The following SARS1 variants were observed in gnomAD, a reference collection of about 807,000 sequenced individuals.
The protein encoded by SARS1 is seryl-tRNA synthetase 1, also known as serine--tRNA ligase, cytoplasmic.
Under a neutral mutation model 63.7 loss-of-function variants are expected in SARS1, and 25 were observed. The observed-to-expected ratio is 0.39, with a 90% CI of 0.29 to 0.55. The LOEUF is 0.55. Ranked by LOEUF, SARS1 falls within the 20% of genes least tolerant of loss-of-function variation. The pLI is 0.62. For synonymous variants in SARS1, 231 were observed against 243.5 expected, an observed-to-expected ratio of 0.95 and a Z score of 0.48; for missense variants, 417 against 649.7, an observed-to-expected ratio of 0.64 and a Z score of 3.89.
In SARS1 at chr1:109,235,630, C is replaced by A. The variant is rs918623270; in HGVS notation, c.969+199C>A. On this transcript the variant is annotated intron_variant, in intron 7 of 10. Coordinates refer to ENST00000234677, the MANE Select transcript of SARS1 (RefSeq NM_006513.4). The surrounding 1 kb of genome is among the most constrained non-coding windows in gnomAD (Gnocchi z 4.7). ...AACCAGGCTGCGGCTTTACCACTCA[C>A]CAGCTGTGTAACATTGGGCATAATG... Among the ~76,000 whole-genome samples, 4 of 152,134 alleles carry A rather than the reference C, an allele frequency of 2.6e-5. No homozygotes were observed. Among genetic ancestry groups the A allele is most frequent in the African/African-American group, 9.7e-5 (4 of 41,428 alleles).
chr1:109,229,153 G>A (rs1453191958), intron 3 of SARS1, among the ~76,000 whole-genome samples: 1 of 152,180 alleles, frequency 6.6e-6, no homozygotes, highest in African/African-American at 2.4e-5. Flanking sequence ...TGCAATGTAT[G>A]GGAACAATAG....
In SARS1 at chr1:109,233,862, A is replaced by ATTTTTTT. The variant is rs1164453054; in HGVS notation, c.748-1329_748-1323dup. ...CAGGCGTCGCCACCACACCTGGCTA[A>ATTTTTTT]TTTTTTTTTTTTTTTTTTTTTTTTT... On this transcript the variant is annotated intron_variant, in intron 6 of 10. Transcript: ENST00000234677. 4.5e-4 allele frequency among the ~76,000 whole-genome samples: 30 copies of ATTTTTTT among 65,996 alleles called. 1 individual carries two copies. The highest frequency in any genetic ancestry group is 1.4e-3 in the South Asian group (2 of 1,416). 43.3% of individuals were successfully genotyped at this position (65,996 alleles called of 152,430 possible). A position where few individuals can be genotyped will look rare whatever the true frequency, so the allele number is the denominator to read the frequency against.
chr1:109,237,834 A>G lies in SARS1; in HGVS notation c.1491A>G (p.Ala497=), dbSNP rs778433870. Residue 497 remains alanine, a synonymous_variant, in exon 11 of 11, where the codon GCA becomes GCG. Transcript: ENST00000234677. This position sits in a 1 kb window ranked among gnomAD's most constrained non-coding sequence, Gnocchi z 4.1. ...AGGGCAGCAAAAAGAAAGCAGCAGC[A>G]AGAGACGTCACCCTAGAAAACAGGC... ...QHEGSKKKAA[A]RDVTLENRLQ... The G allele has an allele frequency of 1.2e-6, 2 of 1,614,124 alleles. No homozygotes were observed. Among genetic ancestry groups the G allele is most frequent in the Non-Finnish European group, 1.7e-6 (2 of 1,180,044 alleles).
chr1:109,231,292 C>T (rs1200594560), intron 5 of SARS1: 1 of 265,862 alleles, frequency 3.8e-6, no homozygotes, highest in Non-Finnish European at 6.8e-6. Flanking sequence ...AGAACAGTCT[C>T]TGCCTTTAAG....
chr1:109,221,995 TATA>T (rs1654945857), intron 1 of SARS1, among the ~76,000 whole-genome samples: 1 of 26,666 alleles, frequency 3.8e-5, no homozygotes, highest in Non-Finnish European at 5.7e-5. Flanking sequence ...TATATATATA[TATA>T]TATATATATA....
intron 1 of SARS1, among the ~76,000 whole-genome samples, chr1:109,219,673 T>A (rs996639744): frequency 9.2e-5 from 14 of 151,840 alleles, no homozygotes; most frequent in African/African-American, 3.4e-4. Flanking sequence ...CCACCATGCC[T>A]GGCTAATTTT....
At chr1:109,218,268 G>A (rs1181855486) in intron 1 of SARS1, among the ~76,000 whole-genome samples, 3 of 150,192 alleles carry the variant, frequency 2.0e-5, no homozygotes, top group Admixed American at 6.6e-5. Context: ...TTGGGAGGCC[G>A]AGGCAGGAGA....
intron 2 of SARS1, among the ~76,000 whole-genome samples, chr1:109,225,130 T>G (rs1454902845): frequency 6.6e-6 from 1 of 152,024 alleles, no homozygotes; most frequent in African/African-American, 2.4e-5. Context: ...ATTAATTAAT[T>G]AAATGCACTT....
At chr1:109,226,535 C>G (rs1655080552) in intron 2 of SARS1, among the ~76,000 whole-genome samples, 1 of 147,612 alleles carries the variant, frequency 6.8e-6, no homozygotes, top group Non-Finnish European at 1.5e-5. Context: ...AAAAAGTCAC[C>G]CAGGCTGGAG....
rs1436359557 is a variant in SARS1, at chr1:109,237,894, C to T, written c.*6C>T. Reference sequence around the variant, plus strand: ...TGGAGGTCACCGATGCTTGAACATTCCTGCCTCCCTATTTGCCAGGCTTTC... The same window carrying T: ...TGGAGGTCACCGATGCTTGAACATTTCTGCCTCCCTATTTGCCAGGCTTTC... On this transcript the variant is annotated 3_prime_UTR_variant, in exon 11 of 11. Coordinates refer to ENST00000234677, the MANE Select transcript of SARS1 (RefSeq NM_006513.4). This position sits in a 1 kb window ranked among gnomAD's most constrained non-coding sequence, Gnocchi z 4.1. 6.2e-7 allele frequency: 1 copy of T among 1,613,814 alleles called. No homozygotes were observed. Among genetic ancestry groups the T allele is most frequent in the East Asian group, 2.2e-5 (1 of 44,880 alleles).
intron 1 of SARS1, among the ~76,000 whole-genome samples, chr1:109,222,192 C>T (rs1206982010): frequency 6.6e-6 from 1 of 150,974 alleles, no homozygotes; most frequent in Non-Finnish European, 1.5e-5. Context: ...CCAATACCTA[C>T]CTTGGTGCCT....
intron 2 of SARS1, among the ~76,000 whole-genome samples, chr1:109,228,051 T>A (rs1189586198): frequency 6.6e-6 from 1 of 152,102 alleles, no homozygotes. Context: ...CCTATGATGA[T>A]CTATGTACAG....
At chr1:109,229,264 C>A in intron 3 of SARS1, 150 bp from the exon 4 acceptor site, 2 of 756,922 alleles carry the variant, frequency 2.6e-6, no homozygotes, top group Non-Finnish European at 4.4e-6. Context: ...TGAAGGAAAT[C>A]TCAGTTCTTA....
At chr1:109,234,288 T>G (rs1655265914) in intron 6 of SARS1, among the ~76,000 whole-genome samples, 1 of 151,942 alleles carries the variant, frequency 6.6e-6, no homozygotes, top group African/African-American at 2.4e-5. Context: ...CCTCCCAAAG[T>G]GCTGGGATTA....
At chr1:109,236,840 G>T in intron 9 of SARS1, 1 of 1,603,262 alleles carries the variant, frequency 6.2e-7, no homozygotes, top group Admixed American at 1.7e-5. Context: ...CACAGAACAA[G>T]TTGGAGGCTT....
chr1:109,217,162 A>G, intron 1 of SARS1: 2 of 981,950 alleles, frequency 2.0e-6, no homozygotes, highest in Non-Finnish European at 2.4e-6. Flanking sequence ...TCATGTATAC[A>G]GATGCTCCTT....
In SARS1 at chr1:109,229,258, G is replaced by T. The variant is rs559665657; in HGVS notation, c.289-156G>T. ...AAGACTGTGTATATCTGTGTGTGAA[G>T]GAAATCTCAGTTCTTAAAAGTCTTC... On this transcript the variant is annotated intron_variant, in intron 3 of 10. Coordinates refer to ENST00000234677, the MANE Select transcript of SARS1 (RefSeq NM_006513.4). Among the ~76,000 whole-genome samples, 82 of 152,324 alleles carry T rather than the reference G, an allele frequency of 5.4e-4. 1 individual carries two copies. The highest frequency in any genetic ancestry group is 1.0e-3 in the Non-Finnish European group (69 of 68,028).
At chr1:109,223,952 T>C (rs1337468724) in intron 1 of SARS1, 26 bp from the exon 2 acceptor site, 1 of 1,553,026 alleles carries the variant, frequency 6.4e-7, no homozygotes, top group Non-Finnish European at 8.9e-7. Flanking sequence ...ATTTCTTTGG[T>C]ATAGTCTTGG....
At chr1:109,226,257 A>C (rs1451666439) in intron 2 of SARS1, among the ~76,000 whole-genome samples, 2 of 150,228 alleles carry the variant, frequency 1.3e-5, no homozygotes, top group African/African-American at 4.9e-5. Flanking sequence ...GAAGGGTGTG[A>C]GTGGAGTTAT....
Sources: gnomAD v4.1 joint callset for allele counts (sites outside exome capture counted in the v4.1 genomes callset) on GRCh38, gnomAD v4.1.1 for gene constraint, Gnocchi (gnomAD v3.1) non-coding constraint, MANE v1.5 for transcripts, NCBI Gene and HGNC (gene_info 2026-07-23, HGNC 2026-07-21) for gene names.